SAMD12: variants seen among roughly 807,000 people sequenced by gnomAD.
The protein encoded by SAMD12 is sterile alpha motif domain-containing protein 12.
In SAMD12, 9 loss-of-function variants were observed where a neutral mutation model predicts 15.0. That is an observed-to-expected ratio of 0.60 (90% CI 0.36 to 1.05). SAMD12 has a LOEUF of 1.05. Among genes scored for constraint, SAMD12 ranks in the 50% least tolerant of loss-of-function variants. The probability of loss-of-function intolerance (pLI) is 0.01; values close to 1 mark genes in which losing one functional copy is unlikely to be tolerated. For synonymous variants in SAMD12, 86 were observed against 90.1 expected (o/e 0.96, Z 0.25); for missense variants, 230 against 234.2 (o/e 0.98, Z 0.12).
At chr8:118,472,943 G>T (rs1041522059) in intron 2 of SAMD12, among the ~76,000 whole-genome samples, 1 of 151,838 alleles carries the variant, frequency 6.6e-6, no homozygotes, top group Non-Finnish European at 1.5e-5. Flanking sequence ...GGAGTGCTAG[G>T]TATTTCCCAG....
intron 4 of SAMD12, among the ~76,000 whole-genome samples, chr8:118,367,124 A>T (rs535401872): frequency 1.3e-5 from 2 of 152,084 alleles, no homozygotes; most frequent in Admixed American, 6.6e-5. Context: ...TTGAACATCT[A>T]CACTGTACAG....
At chr8:118,333,703 A>G (rs901331152) in intron 4 of SAMD12, among the ~76,000 whole-genome samples, 4 of 152,122 alleles carry the variant, frequency 2.6e-5, no homozygotes, top group Middle Eastern at 3.2e-3. Flanking sequence ...ACCAGGATTT[A>G]TGTACCCCAT....
chr8:118,212,145 T>C (rs1169119453), intron 4 of SAMD12, among the ~76,000 whole-genome samples: 2 of 151,990 alleles, frequency 1.3e-5, no homozygotes, highest in Non-Finnish European at 2.9e-5. Flanking sequence ...GCTTTAGAGA[T>C]GGGGGTCTCA....
At chr8:118,317,648 T>C (rs1022152057) in intron 4 of SAMD12, among the ~76,000 whole-genome samples, 1 of 152,194 alleles carries the variant, frequency 6.6e-6, no homozygotes, top group African/African-American at 2.4e-5. Context: ...GAAAGGCTTC[T>C]GGGGTGCTAG....
chr8:118,159,267 G>T, the SAMD12 span, among the ~76,000 whole-genome samples: 1 of 152,130 alleles, frequency 6.6e-6, no homozygotes, highest in African/African-American at 2.4e-5. Context: ...GCGCACAGTG[G>T]AAGCTGCTTG....
chr8:118,172,540 G>C, the SAMD12 span, among the ~76,000 whole-genome samples: 2 of 152,104 alleles, frequency 1.3e-5, no homozygotes, highest in Non-Finnish European at 2.9e-5. Context: ...GTTGAACCTT[G>C]GCCAAAAGGC....
Position 118,516,138 on chromosome 8 carries a change from A to T in SAMD12, c.192+64577T>A, listed in dbSNP as rs191645896. Among the ~76,000 whole-genome samples the T allele has an allele frequency of 1.9e-4, 29 of 152,232 alleles. No individual in the cohort carries two copies. The East Asian group carries it at 4.6e-3, about 24-fold the overall frequency. On this transcript the variant is annotated intron_variant, in intron 2 of 3. Coordinates refer to ENST00000314727, the MANE Select transcript of SAMD12 (RefSeq NM_207506.3). ...TGCAGAAAATCTCAAATGCATAGCAACTCACATCTCCAGAGCCACCTCCTG... is the reference window on the plus strand; with the variant it reads ...TGCAGAAAATCTCAAATGCATAGCATCTCACATCTCCAGAGCCACCTCCTG...
intron 3 of SAMD12, among the ~76,000 whole-genome samples, chr8:118,438,508 G>A (rs1822640054): frequency 6.6e-6 from 1 of 151,590 alleles, no homozygotes; most frequent in South Asian, 2.1e-4. Context: ...AGTGGTTTTG[G>A]TTCACGCACC....
At chr8:118,550,160 TTCA>T (rs1826278688) in intron 2 of SAMD12, among the ~76,000 whole-genome samples, 1 of 152,040 alleles carries the variant, frequency 6.6e-6, no homozygotes, top group Non-Finnish European at 1.5e-5. Flanking sequence ...AACATTCAGA[TTCA>T]GGAAACACAG....
chr8:118,289,388 C>A (rs1044562281), intron 4 of SAMD12, among the ~76,000 whole-genome samples: 1 of 152,158 alleles, frequency 6.6e-6, no homozygotes, highest in Non-Finnish European at 1.5e-5. Flanking sequence ...CCTGAAGCAG[C>A]CTCAGCATAT....
At chr8:118,533,246 G>T (rs1348599931) in intron 2 of SAMD12, among the ~76,000 whole-genome samples, 1 of 152,074 alleles carries the variant, frequency 6.6e-6, no homozygotes, top group African/African-American at 2.4e-5. Flanking sequence ...GTAGTTGAGC[G>T]GTTTTGAGTG....
the SAMD12 span, among the ~76,000 whole-genome samples, chr8:118,148,705 A>C: frequency 6.6e-6 from 1 of 152,334 alleles, no homozygotes. Context: ...TTCTATTTCC[A>C]GTCACAGACA....
chr8:118,137,487 G>A, the SAMD12 span, among the ~76,000 whole-genome samples: 2 of 152,144 alleles, frequency 1.3e-5, no homozygotes, highest in East Asian at 1.9e-4. Context: ...CGAAGTCAGC[G>A]TGAAATCGGC....
intron 1 of SAMD12, among the ~76,000 whole-genome samples, chr8:118,614,729 G>A (rs1404993855): frequency 6.6e-6 from 1 of 152,246 alleles, no homozygotes; most frequent in Non-Finnish European, 1.5e-5. Flanking sequence ...GGAGGCTGCT[G>A]AAGGCAGTGA....
intron 4 of SAMD12, among the ~76,000 whole-genome samples, chr8:118,324,509 C>T (rs1030841226): frequency 6.6e-6 from 1 of 152,130 alleles, no homozygotes; most frequent in Admixed American, 6.5e-5. Flanking sequence ...TTATTGAGTA[C>T]CCACTACATC....
At chr8:118,370,478 T>C (rs1819034261) in intron 4 of SAMD12, among the ~76,000 whole-genome samples, 1 of 152,168 alleles carries the variant, frequency 6.6e-6, no homozygotes, top group Non-Finnish European at 1.5e-5. Context: ...TAAAGACACA[T>C]GCATGCATAT....
chr8:118,174,527 G>GA, the SAMD12 span, among the ~76,000 whole-genome samples: 1 of 152,094 alleles, frequency 6.6e-6, no homozygotes, highest in African/African-American at 2.4e-5. Flanking sequence ...AGGTGCTTGG[G>GA]AAAAAGTGGT....
chr8:118,173,322 T>C, the SAMD12 span, among the ~76,000 whole-genome samples: 1 of 152,050 alleles, frequency 6.6e-6, no homozygotes, highest in South Asian at 2.1e-4. Context: ...TGACTGTCTT[T>C]ATGGAGGTGG....
At chr8:118,166,531 G>T in the SAMD12 span, among the ~76,000 whole-genome samples, 2 of 151,988 alleles carry the variant, frequency 1.3e-5, no homozygotes, top group African/African-American at 2.4e-5. Context: ...TTAATGCTTT[G>T]TACTTTAAAA....
Sources: allele counts gnomAD v4.1 joint callset (sites outside exome capture counted in the v4.1 genomes callset), GRCh38; gene constraint gnomAD v4.1.1; transcripts MANE v1.5; gene names NCBI Gene and HGNC (gene_info 2026-07-23, HGNC 2026-07-21).